Variants in CASQ2 observed in about 807,000 individuals in gnomAD.
CASQ2 encodes the protein calsequestrin-2.
In CASQ2, 49 loss-of-function variants were observed where a neutral mutation model predicts 46.5. That is an observed-to-expected ratio of 1.05 (90% CI 0.84 to 1.34). The LOEUF (loss-of-function observed/expected upper bound fraction) is 1.34. Among genes scored for constraint, CASQ2 ranks in the 40% most tolerant of loss-of-function variants. CASQ2 has a pLI of 0.00. For synonymous variants in CASQ2, 174 were observed against 168.5 expected, an observed-to-expected ratio of 1.03 and a Z score of -0.25; for missense variants, 486 against 481.3, an observed-to-expected ratio of 1.01 and a Z score of -0.09.
chr1:115,752,569 G>A (rs945513765), intron 1 of CASQ2, among the ~76,000 whole-genome samples: 4 of 152,124 alleles, frequency 2.6e-5, no homozygotes, highest in African/African-American at 9.7e-5. Context: ...AGGAAGAAAT[G>A]GTATAAGAAA....
At chr1:115,757,871 G>A (rs1245059980) in intron 1 of CASQ2, among the ~76,000 whole-genome samples, 1 of 152,182 alleles carries the variant, frequency 6.6e-6, no homozygotes, top group Non-Finnish European at 1.5e-5. Context: ...TATATTTTCA[G>A]TATAAGCAAT....
chr1:115,704,226 T>C (rs1316203943), intron 9 of CASQ2, among the ~76,000 whole-genome samples: 2 of 152,224 alleles, frequency 1.3e-5, no homozygotes, highest in Non-Finnish European at 2.9e-5. Context: ...ATGCAACTAA[T>C]GATAATTCCT....
chr1:115,721,800 G>GA (rs368744158), intron 7 of CASQ2, among the ~76,000 whole-genome samples: 2 of 152,228 alleles, frequency 1.3e-5, no homozygotes, highest in African/African-American at 4.8e-5. Flanking sequence ...CGAATTCCTT[G>GA]ACTCAAACGA....
chr1:115,715,888 C>T (rs933667405), intron 8 of CASQ2, among the ~76,000 whole-genome samples: 4 of 152,128 alleles, frequency 2.6e-5, no homozygotes, highest in Non-Finnish European at 4.4e-5. Context: ...GCGCCTACCA[C>T]GAGTCAAGAC....
intron 8 of CASQ2, among the ~76,000 whole-genome samples, chr1:115,712,490 G>A (rs1654578251): frequency 6.6e-6 from 1 of 152,178 alleles, no homozygotes; most frequent in Non-Finnish European, 1.5e-5. Flanking sequence ...GTGAGCTGGG[G>A]ACATTATTTA....
chr1:115,732,852 T>C, intron 5 of CASQ2, 49 bp downstream of exon 5: 1 of 1,320,990 alleles, frequency 7.6e-7, no homozygotes, highest in Non-Finnish European at 1.1e-6. Flanking sequence ...CAAACTTTAA[T>C]TCTTCATGCC....
At chr1:115,708,734 T>G (rs891537642) in intron 8 of CASQ2, among the ~76,000 whole-genome samples, 2 of 152,206 alleles carry the variant, frequency 1.3e-5, no homozygotes, top group African/African-American at 4.8e-5. Context: ...TGGCTGGAAC[T>G]CCCTAAGCCT....
chr1:115,714,686 C>T (rs1223638539), intron 8 of CASQ2, among the ~76,000 whole-genome samples: 2 of 152,224 alleles, frequency 1.3e-5, no homozygotes, highest in Non-Finnish European at 2.9e-5. Flanking sequence ...CATCAGTGCT[C>T]TGCAGGTAAA....
chr1:115,723,741 G>A (rs1275193870), intron 7 of CASQ2, among the ~76,000 whole-genome samples: 1 of 152,166 alleles, frequency 6.6e-6, no homozygotes, highest in African/African-American at 2.4e-5. Flanking sequence ...GTTTCACCAT[G>A]TTGGCCAGGC....
chr1:115,716,718 G>A (rs3010389), intron 8 of CASQ2, among the ~76,000 whole-genome samples: 88,314 of 152,016 alleles, frequency 0.58, 25,864 homozygotes, highest in East Asian at 0.65. Context: ...ATCCCGCTAG[G>A]CTTCCCACAC....
rs766193771 is a variant in CASQ2, at chr1:115,768,362, C to G, written c.180G>C (p.Val60=). Reference sequence around the variant, plus strand: ...GTTTTTGCGTGACCTTATCTGAAGACACCGGCTCATGGTAGTAGAGGCAAA... The same window carrying G: ...GTTTTTGCGTGACCTTATCTGAAGAGACCGGCTCATGGTAGTAGAGGCAAA... ...DLLCLYYHEP[V]SSDKVTQKQF... The change falls in exon 1 of 11, where the codon GTG becomes GTC. Residue 60 remains valine, a synonymous_variant. Transcript: ENST00000261448. 1.9e-6 allele frequency: 3 copies of G among 1,614,124 alleles called. No individual in the cohort carries two copies. The South Asian group carries it at 3.3e-5, about 18-fold the overall frequency.
At chr1:115,760,113 G>A (rs912020616) in intron 1 of CASQ2, among the ~76,000 whole-genome samples, 1 of 152,154 alleles carries the variant, frequency 6.6e-6, no homozygotes, top group Non-Finnish European at 1.5e-5. Context: ...ATGAATCCCT[G>A]CACCCCTAGA....
chr1:115,751,317 A>G lies in CASQ2; in HGVS notation c.235-6405T>C, dbSNP rs1243126169. Reference sequence around the variant, plus strand: ...CCTACTGTGTTAACAAAAATGTGTAAGACACGTGTCAGCTCCAAGGGCCTT... The same window carrying G: ...CCTACTGTGTTAACAAAAATGTGTAGGACACGTGTCAGCTCCAAGGGCCTT... On this transcript the variant is annotated intron_variant, in intron 1 of 10. Coordinates refer to ENST00000261448, the MANE Select transcript of CASQ2 (RefSeq NM_001232.4). Among the ~76,000 whole-genome samples, 3 of 152,212 alleles carry G rather than the reference A, an allele frequency of 2.0e-5. No individual in the cohort carries two copies. In the East Asian group the frequency reaches 5.8e-4, roughly 29 times the overall value.
chr1:115,723,199 T>TA (rs555536332), intron 7 of CASQ2, among the ~76,000 whole-genome samples: 150 of 152,324 alleles, frequency 9.8e-4, no homozygotes, highest in African/African-American at 3.5e-3. Flanking sequence ...TGAATAATGG[T>TA]AGTAGACGTA....
At chr1:115,720,356 G>T (rs1647323743) in intron 7 of CASQ2, among the ~76,000 whole-genome samples, 1 of 152,016 alleles carries the variant, frequency 6.6e-6, no homozygotes, top group South Asian at 2.1e-4. Context: ...CATCTTTTAG[G>T]GCATTAATCC....
chr1:115,754,432 C>A (rs1648686598), intron 1 of CASQ2, among the ~76,000 whole-genome samples: 2 of 152,130 alleles, frequency 1.3e-5, no homozygotes, highest in South Asian at 2.1e-4. Flanking sequence ...GGCTATATAA[C>A]AACAACAATT....
In CASQ2 at chr1:115,707,579, C is replaced by A. The variant is rs573293538; in HGVS notation, c.839-2287G>T. Reference sequence around the variant, plus strand: ...GCCCCTCCAGTGTATCACTGACTGACGTGTGGACACTATGGGTCGTCCTTT... The same window carrying A: ...GCCCCTCCAGTGTATCACTGACTGAAGTGTGGACACTATGGGTCGTCCTTT... On this transcript the variant is annotated intron_variant, in intron 8 of 10. Transcript: ENST00000261448. 3.9e-5 allele frequency among the ~76,000 whole-genome samples: 6 copies of A among 152,266 alleles called. 1 individual carries two copies. Among genetic ancestry groups the A allele is most frequent in the Non-Finnish European group, 5.9e-5 (4 of 68,028 alleles).
At chr1:115,754,782 A>G (rs1648702919) in intron 1 of CASQ2, among the ~76,000 whole-genome samples, 1 of 152,196 alleles carries the variant, frequency 6.6e-6, no homozygotes, top group Non-Finnish European at 1.5e-5. Context: ...CTGATCTTCA[A>G]TTTCCTTAGA....
chr1:115,716,346 C>A (rs1477486517), intron 8 of CASQ2, among the ~76,000 whole-genome samples: 1 of 152,188 alleles, frequency 6.6e-6, no homozygotes, highest in Non-Finnish European at 1.5e-5. Context: ...GGTCATCTTG[C>A]ACTTTCAAAA....
Sources: allele counts gnomAD v4.1 joint callset (sites outside exome capture counted in the v4.1 genomes callset), GRCh38; gene constraint gnomAD v4.1.1; transcripts MANE v1.5; gene names NCBI Gene and HGNC (gene_info 2026-07-23, HGNC 2026-07-21).